The following HESX1 variants were observed in gnomAD, a reference collection of about 807,000 sequenced individuals.
HESX1 encodes homeobox expressed in ES cells 1.
HESX1 carries 11 observed loss-of-function variants against 22.5 expected under a neutral mutation model. That is an observed-to-expected ratio of 0.49 (90% CI 0.31 to 0.81). The LOEUF is 0.81. Ranked by LOEUF, HESX1 falls within the 30% of genes least tolerant of loss-of-function variation. HESX1 has a pLI of 0.05. For synonymous variants in HESX1, 74 were observed against 76.5 expected, an observed-to-expected ratio of 0.97 and a Z score of 0.17; for missense variants, 201 against 212.6, an observed-to-expected ratio of 0.95 and a Z score of 0.34.
upstream of HESX1, among the ~76,000 whole-genome samples, chr3:57,201,032 A>C (rs993125334): frequency 1.3e-5 from 2 of 152,190 alleles, no homozygotes; most frequent in Non-Finnish European, 2.9e-5. Flanking sequence ...TTCTTCCAGT[A>C]CCTTCCTGAA....
intron 1 of HESX1, among the ~76,000 whole-genome samples, chr3:57,209,464 AC>A (rs1303192705): frequency 6.6e-6 from 1 of 151,778 alleles, no homozygotes; most frequent in African/African-American, 2.4e-5. Flanking sequence ...ATATGGTGAA[AC>A]CCCGTCACTA....
chr3:57,201,875 A>ATATCTATCTATC (rs759735344), upstream of HESX1, among the ~76,000 whole-genome samples: 248 of 131,926 alleles, frequency 1.9e-3, no homozygotes, highest in Middle Eastern at 3.8e-3. Context: ...CTATCTATCT[A>ATATCTATCTATC]TATCTATCTA....
In HESX1 at chr3:57,210,985, G is replaced by A. The variant is rs575903365; in HGVS notation, c.-110-10957C>T. Among the ~76,000 whole-genome samples, 9 of 152,088 alleles carry A rather than the reference G, an allele frequency of 5.9e-5. No individual in the cohort carries two copies. The East Asian group carries it at 1.7e-3, about 29-fold the overall frequency. On this transcript the variant is annotated intron_variant, in intron 1 of 2. Coordinates refer to the HESX1 transcript ENST00000495160. ...TATAATCTCAGCACTTTGGGAGGCC[G>A]AGGCGGGCGGATTGCCTGAGGTCGG...
intron 1 of HESX1, among the ~76,000 whole-genome samples, chr3:57,209,710 T>C (rs1579358117): frequency 6.7e-6 from 1 of 149,448 alleles, no homozygotes; most frequent in Non-Finnish European, 1.5e-5. Context: ...ATAGTGATGA[T>C]AAAAACAAAA....
At chr3:57,210,543 T>G (rs562729866) in intron 1 of HESX1, among the ~76,000 whole-genome samples, 13 of 152,318 alleles carry the variant, frequency 8.5e-5, no homozygotes, top group Admixed American at 8.5e-4. Flanking sequence ...ATTTCACACT[T>G]TCAGTATTTT....
upstream of HESX1, among the ~76,000 whole-genome samples, chr3:57,201,910 T>C (rs575163811): frequency 4.4e-3 from 670 of 151,808 alleles, 5 homozygotes; most frequent in Non-Finnish European, 5.0e-3. Context: ...TATCTATCTA[T>C]CTATCTATCT....
upstream of HESX1, among the ~76,000 whole-genome samples, chr3:57,202,166 G>A (rs1392455046): frequency 1.3e-5 from 2 of 152,008 alleles, no homozygotes; most frequent in African/African-American, 2.4e-5. Context: ...TGATCCGCCC[G>A]CTTCGGCCTC....
upstream of HESX1, chr3:57,199,987 G>T: frequency 1.4e-6 from 2 of 1,401,384 alleles, no homozygotes; most frequent in Non-Finnish European, 2.0e-6. Flanking sequence ...ATAGGGCTGG[G>T]ATCTTCCTGC....
At chr3:57,201,919 C>T (rs866451376), upstream of HESX1, among the ~76,000 whole-genome samples, 2 of 149,494 alleles carry the variant, frequency 1.3e-5, no homozygotes, top group Non-Finnish European at 3.0e-5. Context: ...ATCTATCTAT[C>T]TATCTATCTA....
chr3:57,217,346 A>G (rs2060588148), intron 1 of HESX1, among the ~76,000 whole-genome samples: 1 of 152,220 alleles, frequency 6.6e-6, no homozygotes, highest in Non-Finnish European at 1.5e-5. Context: ...ATTCCAATCC[A>G]GCACCAGAGG....
intron 1 of HESX1, among the ~76,000 whole-genome samples, chr3:57,222,178 C>T (rs561769447): frequency 1.9e-4 from 29 of 152,286 alleles, no homozygotes; most frequent in African/African-American, 7.0e-4. Context: ...ATCAATTCTG[C>T]TACTCTGTTT....
Position 57,211,267 on chromosome 3 carries a change from C to A in HESX1, c.-110-11239G>T, listed in dbSNP as rs1331116118. Among the ~76,000 whole-genome samples the A allele has an allele frequency of 2.6e-5, 4 of 151,656 alleles. No homozygotes were observed. In the East Asian group the frequency reaches 7.8e-4, roughly 30 times the overall value. ...TCTAGGCCAGGTGCCATAGCTCATG[C>A]CTATAATCCAAGCACTTTGGGAAGC... On this transcript the variant is annotated intron_variant, in intron 1 of 2. Transcript: ENST00000495160.
intron 1 of HESX1, among the ~76,000 whole-genome samples, chr3:57,223,369 A>G (rs1251939629): frequency 6.6e-6 from 1 of 152,244 alleles, no homozygotes; most frequent in Non-Finnish European, 1.5e-5. Context: ...ACAAAAGCAT[A>G]TACAATTTTC....
At chr3:57,220,627 C>T (rs2060610506) in intron 1 of HESX1, among the ~76,000 whole-genome samples, 1 of 151,960 alleles carries the variant, frequency 6.6e-6, no homozygotes, top group Non-Finnish European at 1.5e-5. Context: ...GACAGGGTTT[C>T]ATCATATTGG....
chr3:57,221,699 C>T lies in HESX1; in HGVS notation c.-111+4597G>A, dbSNP rs759356532. Among the ~76,000 whole-genome samples the T allele has an allele frequency of 1.2e-4, 18 of 152,136 alleles. 1 individual carries two copies. The highest frequency in any genetic ancestry group is 1.9e-4 in the African/African-American group (8 of 41,494). ...TCGGCTCACTGCAAACTCTGCCTCC[C>T]GGGTTCAAGCGATTCTCCTGCCTCA... On this transcript the variant is annotated intron_variant, in intron 1 of 2. Coordinates refer to the HESX1 transcript ENST00000495160.
rs1446219117 is a variant in HESX1 at position 57,219,637 on chromosome 3, G to A, written c.-111+6659C>T. ...CCACCTCAGCCTCCCAGAGTGCTGG[G>A]ATTACAGGCGTGAGCCACCGCACCT... On this transcript the variant is annotated intron_variant, in intron 1 of 2. Transcript: ENST00000495160. 2.0e-5 allele frequency among the ~76,000 whole-genome samples: 3 copies of A among 152,144 alleles called. No homozygotes were observed. In the East Asian group the frequency reaches 5.8e-4, roughly 29 times the overall value.
At chr3:57,203,015 A>G (rs2060498996), upstream of HESX1, among the ~76,000 whole-genome samples, 1 of 152,210 alleles carries the variant, frequency 6.6e-6, no homozygotes, top group South Asian at 2.1e-4. Context: ...TTGGAGAGCC[A>G]GGCTAGGCTG....
chr3:57,220,713 G>A (rs1405798519), intron 1 of HESX1, among the ~76,000 whole-genome samples: 4 of 152,128 alleles, frequency 2.6e-5, no homozygotes, highest in African/African-American at 4.8e-5. Context: ...TTACAGGCAT[G>A]AGCCACCATG....
intron 1 of HESX1, among the ~76,000 whole-genome samples, chr3:57,215,096 T>C (rs1434343904): frequency 6.6e-6 from 1 of 152,198 alleles, no homozygotes; most frequent in East Asian, 1.9e-4. Context: ...GGAATAACTT[T>C]ATCTAGAATA....
Sources: allele counts gnomAD v4.1 joint callset (sites outside exome capture counted in the v4.1 genomes callset), GRCh38; gene constraint gnomAD v4.1.1; transcripts MANE v1.5; gene names NCBI Gene and HGNC (gene_info 2026-07-23, HGNC 2026-07-21).